FKBP14: variants seen among roughly 807,000 people sequenced by gnomAD.
FKBP14 encodes the protein peptidyl-prolyl cis-trans isomerase FKBP14.
A neutral mutation model predicts 21.6 loss-of-function variants in FKBP14; 20 were observed. That is an observed-to-expected ratio of 0.92 (90% CI 0.65 to 1.34). The LOEUF is 1.34. Among genes scored for constraint, FKBP14 ranks in the 40% most tolerant of loss-of-function variants. FKBP14 has a pLI of 0.00. For missense variants in FKBP14, 253 were observed against 249.0 expected (o/e 1.02, Z -0.11); for synonymous variants, 79 against 86.7 (o/e 0.91, Z 0.49).
At chr7:30,008,204 G>A (rs147320448), downstream of FKBP14, 26 of 152,292 alleles carry the variant, frequency 1.7e-4, no homozygotes, top group African/African-American at 6.0e-4. Flanking sequence ...TAAAAACTAA[G>A]GTGTGTGTCT....
intron 3 of FKBP14, among the ~76,000 whole-genome samples, chr7:30,018,311 G>A (rs1011180602): frequency 6.6e-6 from 1 of 152,200 alleles, no homozygotes; most frequent in South Asian, 2.1e-4. Context: ...AGAATGGAGT[G>A]TGAGTAGATA....
chr7:30,025,577 A>C (rs1790152500), intron 1 of FKBP14: 1 of 152,250 alleles, frequency 6.6e-6, no homozygotes, highest in African/African-American at 2.4e-5. Context: ...AATGCTCACT[A>C]AATACTGTCA....
downstream of FKBP14, among the ~76,000 whole-genome samples, chr7:30,006,923 A>G (rs1230224392): frequency 6.6e-6 from 1 of 152,214 alleles, no homozygotes; most frequent in East Asian, 1.9e-4. Context: ...CCTTGCTTTG[A>G]TAATTTGTAT....
intron 1 of FKBP14, among the ~76,000 whole-genome samples, chr7:30,024,287 T>G (rs888295418): frequency 6.6e-6 from 1 of 152,176 alleles, no homozygotes; most frequent in Non-Finnish European, 1.5e-5. Flanking sequence ...CAGGAAACAT[T>G]CTACTACTCA....
rs1298545002 is a variant in FKBP14, at chr7:30,012,022, T to C, written c.*2713A>G. The C allele has an allele frequency of 6.6e-6, 1 of 152,250 alleles. No homozygotes were observed. Among genetic ancestry groups the C allele is most frequent in the African/African-American group, 2.4e-5 (1 of 41,452 alleles). 9.4% of individuals were successfully genotyped at this position (152,250 alleles called of 1,614,324 possible). A position where few individuals can be genotyped will look rare whatever the true frequency, so the allele number is the denominator to read the frequency against. On this transcript the variant is annotated 3_prime_UTR_variant, in exon 4 of 4. Coordinates refer to ENST00000222803, the MANE Select transcript of FKBP14 (RefSeq NM_017946.4). ...GGAGCAATAGGCTATATACATGTCC[T>C]ACATGTGTAGCAGGCTACACTATCT...
Position 30,022,713 on chromosome 7 carries a change from T to C in FKBP14, c.301A>G (p.Arg101Gly). 6.2e-7 allele frequency: 1 copy of C among 1,614,170 alleles called. No homozygotes were observed. Among genetic ancestry groups the C allele is most frequent in the African/African-American group, 1.3e-5 (1 of 75,054 alleles). ...GLKGMCVGEK[R>G]KLIIPPALGY... ...AGAGCAGGAGGAATGATGAGCTTTC[T>C]CTTCTCTCCTACACACATTCCTTTC... The change falls in exon 2 of 4, where the codon AGA becomes GGA. Residue 101 changes from arginine to glycine, a missense_variant. By Grantham distance (125) the Arg-to-Gly change is moderately radical (BLOSUM62 -2). Coordinates refer to ENST00000222803, the MANE Select transcript of FKBP14 (RefSeq NM_017946.4).
At chr7:30,006,629 A>G (rs1393991624), downstream of FKBP14, among the ~76,000 whole-genome samples, 2 of 152,234 alleles carry the variant, frequency 1.3e-5, no homozygotes, top group Non-Finnish European at 2.9e-5. Flanking sequence ...TCAGTCATAC[A>G]GTCGTACAGC....
intron 2 of FKBP14, chr7:30,020,204 G>A (rs1265760229): frequency 3.3e-6 from 4 of 1,202,578 alleles, no homozygotes; most frequent in Non-Finnish European, 4.2e-6. Context: ...AAAGTGTGCT[G>A]AAGCTTACCA....
Position 30,022,723 on chromosome 7 carries a change from T to C in FKBP14, c.291A>G (p.Val97=). The part of the protein sequence containing the change: ...GWDQGLKGMC[V]GEKRKLIIPP... The stretch of plus-strand genomic sequence containing the variant: ...GAATGATGAGCTTTCTCTTCTCTCC[T>C]ACACACATTCCTTTCAAGCCCTGGT... Residue 97 remains valine, a synonymous_variant, in exon 2 of 4, where the codon GTA becomes GTG. Coordinates refer to ENST00000222803, the MANE Select transcript of FKBP14 (RefSeq NM_017946.4). 2 of 1,614,178 alleles carry C rather than the reference T, an allele frequency of 1.2e-6. No individual in the cohort carries two copies. The highest frequency in any genetic ancestry group is 8.5e-7 in the Non-Finnish European group (1 of 1,180,014).
chr7:30,009,829 A>G (rs1347360562), downstream of FKBP14, among the ~76,000 whole-genome samples: 2 of 141,728 alleles, frequency 1.4e-5, no homozygotes, highest in Non-Finnish European at 3.1e-5. Flanking sequence ...GTCTCTACTA[A>G]AAAAAAAAAA....
chr7:30,022,967 A>C, intron 1 of FKBP14, 151 bp from the exon 2 acceptor site: 2 of 598,472 alleles, frequency 3.3e-6, no homozygotes, highest in Non-Finnish European at 5.5e-6. Context: ...ACACACCTCC[A>C]AGTCAAGTTT....
At chr7:30,007,319 C>T (rs182062473), downstream of FKBP14, among the ~76,000 whole-genome samples, 895 of 151,802 alleles carry the variant, frequency 5.9e-3, 5 homozygotes, top group Non-Finnish European at 8.7e-3. Flanking sequence ...AAGCAATTCT[C>T]CTGCCTCAGC....
At chr7:30,009,727 C>A (rs1016779174), downstream of FKBP14, among the ~76,000 whole-genome samples, 1 of 151,470 alleles carries the variant, frequency 6.6e-6, no homozygotes, top group African/African-American at 2.4e-5. Context: ...TGGTCCCTCA[C>A]GCCTGTAATC....
downstream of FKBP14, among the ~76,000 whole-genome samples, chr7:30,006,990 G>A (rs922709486): frequency 1.3e-5 from 2 of 152,240 alleles, no homozygotes; most frequent in African/African-American, 2.4e-5. Flanking sequence ...CCCCCTGGGG[G>A]TTGAGTCAGT....
intron 3 of FKBP14, among the ~76,000 whole-genome samples, 175 bp downstream of exon 3, chr7:30,018,821 C>T (rs1167847917): frequency 1.3e-5 from 2 of 152,090 alleles, no homozygotes; most frequent in Non-Finnish European, 2.9e-5. Flanking sequence ...ATGAAAAAGT[C>T]CACTTTCAAA....
chr7:30,007,992 T>G (rs1215186710), downstream of FKBP14, among the ~76,000 whole-genome samples: 1 of 152,164 alleles, frequency 6.6e-6, no homozygotes, highest in Non-Finnish European at 1.5e-5. Context: ...GAGGTTGCAG[T>G]GAGCTGAGAT....
At chr7:30,016,106 C>T (rs1452457090) in intron 3 of FKBP14, among the ~76,000 whole-genome samples, 4 of 151,640 alleles carry the variant, frequency 2.6e-5, no homozygotes, top group Non-Finnish European at 5.9e-5. Flanking sequence ...GGGGTTTCAC[C>T]ATGTTGCCCA....
Position 30,014,834 on chromosome 7 carries a change from A to G in FKBP14, c.537T>C (p.His179=). ...AAATATCCTCCACCAAAGCATCATG[A>G]TGACTTTCATTCACCACCGCACCAT... is the stretch of plus-strand genomic sequence containing the variant. ...EKHGAVVNES[H]HDALVEDIFD... The change falls in exon 4 of 4, where the codon CAT becomes CAC. Residue 179 remains histidine (H), a synonymous_variant. Coordinates refer to ENST00000222803, the MANE Select transcript of FKBP14 (RefSeq NM_017946.4). 1 of 1,611,818 alleles carries G rather than the reference A, an allele frequency of 6.2e-7. No individual in the cohort carries two copies. Among genetic ancestry groups the G allele is most frequent in the South Asian group, 1.1e-5 (1 of 90,650 alleles).
At chr7:30,017,892 G>A (rs1295884475) in intron 3 of FKBP14, among the ~76,000 whole-genome samples, 2 of 151,980 alleles carry the variant, frequency 1.3e-5, no homozygotes, top group African/African-American at 4.8e-5. Flanking sequence ...GCAGCTACTT[G>A]GGAGGCTGAG....
Sources: gnomAD v4.1 joint callset for allele counts (sites outside exome capture counted in the v4.1 genomes callset) on GRCh38, gnomAD v4.1.1 for gene constraint, MANE v1.5 for transcripts, NCBI Gene and HGNC (gene_info 2026-07-23, HGNC 2026-07-21) for gene names.